SLC22A23: variants seen among roughly 807,000 people sequenced by gnomAD.
SLC22A23 encodes the protein ion transporter protein.
A neutral mutation model predicts 61.0 loss-of-function variants in SLC22A23; 26 were observed. That is an observed-to-expected ratio of 0.43 (90% CI 0.31 to 0.59). The LOEUF (loss-of-function observed/expected upper bound fraction) is 0.59. Among genes scored for constraint, SLC22A23 ranks in the 20% least tolerant of loss-of-function variants. The pLI, the probability that SLC22A23 is intolerant of heterozygous loss-of-function variation, is 0.11. For synonymous variants in SLC22A23, 430 were observed against 413.9 expected, an observed-to-expected ratio of 1.04 and a Z score of -0.47; for missense variants, 796 against 934.7, an observed-to-expected ratio of 0.85 and a Z score of 1.94.
intron 4 of SLC22A23, among the ~76,000 whole-genome samples, chr6:3,320,236 A>C (rs1158607295): frequency 6.6e-6 from 1 of 152,086 alleles, no homozygotes. Flanking sequence ...TCAGTGTCGT[A>C]CTTCTAAAAA....
chr6:3,398,299 G>A (rs980144256), intron 3 of SLC22A23, among the ~76,000 whole-genome samples: 3 of 152,062 alleles, frequency 2.0e-5, no homozygotes, highest in Non-Finnish European at 4.4e-5. Context: ...TCTGACTTTG[G>A]TTTGGAGGGA....
rs147827674 is a variant in SLC22A23, at chr6:3,275,862, G to A, written c.1704-2450C>T. ...CTCCCAAAGTGTTGGGATTACAGGCGTGAGCCACCACGCCACTCTTATAAC... is the reference window on the plus strand; with the variant it reads ...CTCCCAAAGTGTTGGGATTACAGGCATGAGCCACCACGCCACTCTTATAAC... On this transcript the variant is annotated intron_variant, in intron 9 of 9. Transcript: ENST00000406686. Among the ~76,000 whole-genome samples, 93 of 152,354 alleles carry A rather than the reference G, an allele frequency of 6.1e-4. 2 individuals are homozygous for A. The East Asian group carries it at 0.013, about 21-fold the overall frequency.
At chr6:3,370,208 A>G (rs1311037160) in intron 3 of SLC22A23, among the ~76,000 whole-genome samples, 1 of 152,218 alleles carries the variant, frequency 6.6e-6, no homozygotes, top group Admixed American at 6.5e-5. Context: ...AGCCATACGT[A>G]GGAAGGCAAA....
intron 4 of SLC22A23, 84 bp from the exon 5 acceptor site, chr6:3,298,302 T>G: frequency 6.8e-7 from 1 of 1,478,678 alleles, no homozygotes; most frequent in Non-Finnish European, 9.0e-7. Flanking sequence ...GCCCGGGAGC[T>G]TCCCAGGCAG....
At chr6:3,451,677 T>A (rs1180937079) in intron 1 of SLC22A23, among the ~76,000 whole-genome samples, 2 of 152,232 alleles carry the variant, frequency 1.3e-5, no homozygotes, top group African/African-American at 4.8e-5. Flanking sequence ...CTGTTTGTCC[T>A]TAGCTCTCCA....
intron 2 of SLC22A23, among the ~76,000 whole-genome samples, chr6:3,412,805 G>A (rs977768601): frequency 6.6e-6 from 1 of 152,208 alleles, no homozygotes; most frequent in African/African-American, 2.4e-5. Flanking sequence ...AGTGGTGTGA[G>A]AAGGACTTGA....
chr6:3,413,964 A>C (rs768793735), intron 2 of SLC22A23, among the ~76,000 whole-genome samples: 2 of 152,236 alleles, frequency 1.3e-5, no homozygotes, highest in Non-Finnish European at 2.9e-5. Context: ...GCAACTGCAG[A>C]GAAATGGTTT....
In SLC22A23 at chr6:3,286,460, G is replaced by A. The variant is rs563939990; in HGVS notation, c.1546+399C>T. 3.3e-5 allele frequency among the ~76,000 whole-genome samples: 5 copies of A among 152,324 alleles called. No individual in the cohort carries two copies. The highest frequency in any genetic ancestry group is 1.2e-4 in the African/African-American group (5 of 41,574). On this transcript the variant is annotated intron_variant, in intron 7 of 9. Transcript: ENST00000406686. The surrounding 1 kb of genome is among the most constrained non-coding windows in gnomAD (Gnocchi z 4.2). ...TCCAAAGAGAAGCTGATGAACTCGG[G>A]AACATCTGCTGAAAAGCAGGGCCCT...
In SLC22A23 at chr6:3,309,382, G is replaced by T. The variant is rs1762213022; in HGVS notation, c.1083-11164C>A. Among the ~76,000 whole-genome samples the T allele has an allele frequency of 6.6e-6, 1 of 152,210 alleles. No individual in the cohort carries two copies. The highest frequency in any genetic ancestry group is 6.5e-5 in the Admixed American group (1 of 15,288). On this transcript the variant is annotated intron_variant, in intron 4 of 9. Coordinates refer to ENST00000406686, the MANE Select transcript of SLC22A23 (RefSeq NM_015482.2). This position sits in a 1 kb window ranked among gnomAD's most constrained non-coding sequence, Gnocchi z 4.7. ...TCTAATTAAATGCAGAGGTAACTCAGTCCACTCACTGAAAACACAGACTTG... is the reference window on the plus strand; with the variant it reads ...TCTAATTAAATGCAGAGGTAACTCATTCCACTCACTGAAAACACAGACTTG...
intron 1 of SLC22A23, among the ~76,000 whole-genome samples, chr6:3,451,498 G>A (rs1261228681): frequency 6.6e-6 from 1 of 152,228 alleles, no homozygotes. Flanking sequence ...CACCCAGCCT[G>A]TGCAAATCAT....
chr6:3,282,218 T>A, intron 9 of SLC22A23: 1 of 702,584 alleles, frequency 1.4e-6, no homozygotes, highest in Middle Eastern at 2.3e-4. Context: ...GAGAGAAATT[T>A]CACTTTCCGT....
chr6:3,410,083 T>C lies in SLC22A23; in HGVS notation c.913+105A>G, dbSNP rs1224354750. The C allele has an allele frequency of 6.7e-6, 9 of 1,339,628 alleles. No homozygotes were observed. The highest frequency in any genetic ancestry group is 6.0e-5 in the African/African-American group (4 of 67,076). 83.0% of individuals were successfully genotyped at this position (1,339,628 alleles called of 1,614,324 possible). A position where few individuals can be genotyped will look rare whatever the true frequency, so the allele number is the denominator to read the frequency against. On this transcript the variant is annotated intron_variant, in intron 3 of 9. Transcript: ENST00000406686. This position sits in a 1 kb window ranked among gnomAD's most constrained non-coding sequence, Gnocchi z 5.0. The stretch of plus-strand genomic sequence containing the variant: ...TTTAATGTTTGTGTTTCCACAAAAC[T>C]GCCAGCCCACACGAGCAGCATGCAC...
chr6:3,339,761 T>C (rs942099605), intron 3 of SLC22A23, among the ~76,000 whole-genome samples: 1 of 152,120 alleles, frequency 6.6e-6, no homozygotes, highest in Non-Finnish European at 1.5e-5. Flanking sequence ...GCATGAATAA[T>C]CCACCCCTTG....
chr6:3,359,432 G>A (rs1765301501), intron 3 of SLC22A23, among the ~76,000 whole-genome samples: 1 of 152,192 alleles, frequency 6.6e-6, no homozygotes, highest in Non-Finnish European at 1.5e-5. Flanking sequence ...GAAGCACATG[G>A]AAAGATGCTC....
chr6:3,455,276 C>G (rs866295914), intron 1 of SLC22A23, among the ~76,000 whole-genome samples: 1 of 152,194 alleles, frequency 6.6e-6, no homozygotes, highest in Non-Finnish European at 1.5e-5. Flanking sequence ...CGGTGACGGC[C>G]GGGGAACACC....
At chr6:3,413,490 A>G (rs1401748844) in intron 2 of SLC22A23, among the ~76,000 whole-genome samples, 1 of 152,242 alleles carries the variant, frequency 6.6e-6, no homozygotes, top group Non-Finnish European at 1.5e-5. Context: ...CTGCTGCAGT[A>G]ACAAACACAG....
At chr6:3,388,854 C>G (rs931539235) in intron 3 of SLC22A23, among the ~76,000 whole-genome samples, 1 of 152,096 alleles carries the variant, frequency 6.6e-6, no homozygotes, top group African/African-American at 2.4e-5. Context: ...TATAAGGTAC[C>G]TAGCGTTGTC....
At chr6:3,315,295 C>A (rs369489738) in intron 4 of SLC22A23, among the ~76,000 whole-genome samples, 2 of 152,332 alleles carry the variant, frequency 1.3e-5, no homozygotes, top group Non-Finnish European at 1.5e-5. Context: ...GCTGGGGAAG[C>A]CTTCCCTTCT....
intron 3 of SLC22A23, among the ~76,000 whole-genome samples, chr6:3,403,070 T>C (rs1228713713): frequency 6.6e-6 from 1 of 152,208 alleles, no homozygotes; most frequent in Non-Finnish European, 1.5e-5. Flanking sequence ...CTCTGTGCTC[T>C]CAGCCAAGAG....
Sources: gnomAD v4.1 joint callset for allele counts (sites outside exome capture counted in the v4.1 genomes callset) on GRCh38, gnomAD v4.1.1 for gene constraint, Gnocchi (gnomAD v3.1) non-coding constraint, MANE v1.5 for transcripts, NCBI Gene and HGNC (gene_info 2026-07-23, HGNC 2026-07-21) for gene names.